Variants in RORA observed in about 807,000 individuals in gnomAD.
RORA encodes the protein RAR related orphan receptor A.
RORA carries 7 observed loss-of-function variants against 69.5 expected under a neutral mutation model. That is an observed-to-expected ratio of 0.10 (90% CI 0.06 to 0.19). RORA has a LOEUF of 0.19. RORA is among the 10% of genes least tolerant of loss of function. RORA has a pLI of 1.00. For missense variants in RORA, 457 were observed against 663.0 expected (o/e 0.69, Z 3.41); for synonymous variants, 261 against 240.8 (o/e 1.08, Z -0.78).
intron 8 of RORA, among the ~76,000 whole-genome samples, chr15:60,501,677 G>T (rs946406153): frequency 6.6e-6 from 1 of 152,122 alleles, no homozygotes; most frequent in South Asian, 2.1e-4. Flanking sequence ...CCTTAAAAAT[G>T]TTAACAAATG....
chr15:60,757,102 A>G (rs61164948), intron 1 of RORA, among the ~76,000 whole-genome samples: 39,917 of 152,166 alleles, frequency 0.26, 6,670 homozygotes, highest in Non-Finnish European at 0.37. Flanking sequence ...AAAAATGTTC[A>G]AATAATATAT....
rs534963210 is a variant in RORA, at chr15:61,220,817, T to A, written c.166+8236A>T. 8.5e-5 allele frequency among the ~76,000 whole-genome samples: 13 copies of A among 152,310 alleles called. No homozygotes were observed. In the East Asian group the frequency reaches 2.3e-3, roughly 27 times the overall value. ...TTTTCATTGCCCTTGTTAAAGATAA[T>A]TTAAAATTAGAAAGTCACATTCCCA... On this transcript the variant is annotated intron_variant, in intron 1 of 10. Transcript: ENST00000335670.
chr15:61,082,257 G>A (rs1566979499), intron 1 of RORA, among the ~76,000 whole-genome samples: 2 of 152,342 alleles, frequency 1.3e-5, no homozygotes, highest in African/African-American at 2.4e-5. Flanking sequence ...GGGAGGCCGC[G>A]GCGGGCGAAT....
intron 1 of RORA, among the ~76,000 whole-genome samples, chr15:60,750,130 T>C (rs528799383): frequency 8.5e-5 from 13 of 152,354 alleles, no homozygotes; most frequent in African/African-American, 2.9e-4. Context: ...AGATGGATAC[T>C]ATTATCAGCT....
intron 2 of RORA, among the ~76,000 whole-genome samples, chr15:60,580,542 C>G (rs933556246): frequency 3.9e-5 from 6 of 152,178 alleles, no homozygotes; most frequent in African/African-American, 1.4e-4. Flanking sequence ...CTCAAGGAAA[C>G]CAGAGAGACC....
intron 1 of RORA, among the ~76,000 whole-genome samples, chr15:60,911,858 A>AAT (rs1891729877): frequency 3.1e-5 from 1 of 31,772 alleles, no homozygotes; most frequent in Non-Finnish European, 8.4e-5. Flanking sequence ...CACCTGGCTA[A>AAT]GTTTTTTTTT....
At chr15:60,981,212 TTC>T (rs1595859711) in intron 1 of RORA, among the ~76,000 whole-genome samples, 2 of 152,126 alleles carry the variant, frequency 1.3e-5, no homozygotes, top group East Asian at 3.8e-4. Context: ...AATAAGTTGC[TTC>T]TCTCTTACTG....
intron 1 of RORA, among the ~76,000 whole-genome samples, chr15:60,733,952 G>GAA (rs2071465315): frequency 6.8e-6 from 1 of 147,420 alleles, no homozygotes; most frequent in Non-Finnish European, 1.5e-5. Flanking sequence ...GAGAGAGAGA[G>GAA]AGAAAGAGAA....
At chr15:60,542,532 CT>C (rs2066911198) in intron 2 of RORA, among the ~76,000 whole-genome samples, 1 of 11,858 alleles carries the variant, frequency 8.4e-5, no homozygotes, top group African/African-American at 1.5e-4. Context: ...ACATGCACAC[CT>C]CACACAGATG....
chr15:60,608,437 T>C (rs1018830694), intron 2 of RORA, among the ~76,000 whole-genome samples: 11 of 152,102 alleles, frequency 7.2e-5, no homozygotes, highest in African/African-American at 2.4e-4. Context: ...CACTCACAGA[T>C]AGGGTAAGTG....
intron 2 of RORA, among the ~76,000 whole-genome samples, chr15:60,668,057 T>C (rs1411888774): frequency 6.6e-6 from 1 of 152,168 alleles, no homozygotes; most frequent in Non-Finnish European, 1.5e-5. Flanking sequence ...AATCATTGTT[T>C]TGATAGAGTC....
intron 1 of RORA, among the ~76,000 whole-genome samples, chr15:60,856,619 A>G (rs942573944): frequency 1.3e-5 from 2 of 152,214 alleles, no homozygotes; most frequent in African/African-American, 4.8e-5. Context: ...AACATTTTAC[A>G]TCATGCTTGA....
At chr15:60,964,707 G>A (rs948183006) in intron 1 of RORA, among the ~76,000 whole-genome samples, 3 of 152,208 alleles carry the variant, frequency 2.0e-5, no homozygotes, top group Admixed American at 2.0e-4. Context: ...AGTTGCCAAG[G>A]GAGCTTATGA....
intron 2 of RORA, among the ~76,000 whole-genome samples, chr15:60,584,496 T>A (rs1426257393): frequency 6.6e-6 from 1 of 152,242 alleles, no homozygotes; most frequent in East Asian, 1.9e-4. Context: ...TAAAGCAGCC[T>A]TCTCTGACTA....
At position 60,514,241 on chromosome 15, in the gene RORA, G is replaced by A. The variant is rs567805395; in HGVS notation, c.424+375C>T. 7.9e-5 allele frequency among the ~76,000 whole-genome samples: 12 copies of A among 152,292 alleles called. No individual in the cohort carries two copies. In the East Asian group the frequency reaches 2.1e-3, roughly 27 times the overall value. On this transcript the variant is annotated intron_variant, in intron 4 of 10. Transcript: ENST00000335670. ...TAGTGTAAAGCAAGTAACAGTTGTGGTTCACATTTCCTGCAGGGGAAAATG... is the reference window on the plus strand; with the variant it reads ...TAGTGTAAAGCAAGTAACAGTTGTGATTCACATTTCCTGCAGGGGAAAATG...
intron 1 of RORA, among the ~76,000 whole-genome samples, chr15:60,819,622 G>C (rs896728322): frequency 1.3e-5 from 2 of 152,104 alleles, no homozygotes; most frequent in Non-Finnish European, 2.9e-5. Context: ...GGGCTCGTCT[G>C]TTGGGTGGGA....
chr15:60,625,510 T>C (rs1307705235), intron 2 of RORA, among the ~76,000 whole-genome samples: 1 of 152,258 alleles, frequency 6.6e-6, no homozygotes, highest in African/African-American at 2.4e-5. Context: ...TGTTTGAGGA[T>C]ATTCACTGTA....
At chr15:61,172,857 T>C (rs752948190) in intron 1 of RORA, among the ~76,000 whole-genome samples, 1 of 152,136 alleles carries the variant, frequency 6.6e-6, no homozygotes, top group Non-Finnish European at 1.5e-5. Context: ...AAAAAAGGCA[T>C]GTCTTTGCTC....
intron 1 of RORA, among the ~76,000 whole-genome samples, chr15:61,035,660 T>C (rs757602342): frequency 1.3e-5 from 2 of 152,150 alleles, no homozygotes; most frequent in Non-Finnish European, 2.9e-5. Flanking sequence ...ATGATAGGTG[T>C]CTGAATCACT....
Sources: gnomAD v4.1 joint callset for allele counts (sites outside exome capture counted in the v4.1 genomes callset) on GRCh38, gnomAD v4.1.1 for gene constraint, MANE v1.5 for transcripts, NCBI Gene and HGNC (gene_info 2026-07-23, HGNC 2026-07-21) for gene names.